Variants in ST6GALNAC5 observed in about 807,000 individuals in gnomAD.
The protein encoded by ST6GALNAC5 is alpha-N-acetylgalactosaminide alpha-2,6-sialyltransferase 5.
ST6GALNAC5 carries 27 observed loss-of-function variants against 33.6 expected under a neutral mutation model. The observed-to-expected ratio is 0.80, with a 90% CI of 0.59 to 1.11. The LOEUF (loss-of-function observed/expected upper bound fraction) is 1.11. Among genes scored for constraint, ST6GALNAC5 ranks in the 50% least tolerant of loss-of-function variants. ST6GALNAC5 has a pLI of 0.00. For synonymous variants in ST6GALNAC5, 194 were observed against 171.2 expected (o/e 1.13, Z -1.04); for missense variants, 428 against 454.0 (o/e 0.94, Z 0.52).
At chr1:77,007,606 C>T (rs1304452117) in intron 2 of ST6GALNAC5, among the ~76,000 whole-genome samples, 2 of 152,214 alleles carry the variant, frequency 1.3e-5, no homozygotes, top group African/African-American at 4.8e-5. Flanking sequence ...CCCTATTCTT[C>T]ACCACTATGT....
At position 77,044,620 on chromosome 1, in the gene ST6GALNAC5, A is replaced by G. The variant is rs1189460641; in HGVS notation, c.671+7A>G. On this transcript the variant is annotated splice_region_variant and intron_variant, in intron 3 of 4. Transcript: ENST00000477717. ...AGGAGACTGGCAAAGACAGGTACAAAGGCACAGGGAAGAAGATGCAGGGGA... is the reference window on the plus strand; with the variant it reads ...AGGAGACTGGCAAAGACAGGTACAAGGGCACAGGGAAGAAGATGCAGGGGA... 10 of 1,532,778 alleles carry G rather than the reference A, an allele frequency of 6.5e-6. No individual in the cohort carries two copies. The highest frequency in any genetic ancestry group is 8.8e-6 in the Non-Finnish European group (10 of 1,137,260). The allele number at this position is 1,532,778 out of a possible 1,614,324, so 94.9% of individuals were successfully genotyped here.
At chr1:76,979,849 T>A (rs1428322854) in intron 2 of ST6GALNAC5, among the ~76,000 whole-genome samples, 1 of 152,056 alleles carries the variant, frequency 6.6e-6, no homozygotes, top group African/African-American at 2.4e-5. Flanking sequence ...ATCAGAGGCA[T>A]GATAATCACT....
chr1:76,973,896 T>C (rs1648871735), intron 2 of ST6GALNAC5, among the ~76,000 whole-genome samples: 1 of 104,764 alleles, frequency 9.5e-6, no homozygotes, highest in South Asian at 2.7e-4. Flanking sequence ...TTCCAAGTTT[T>C]ATGTTCTGTT....
chr1:76,914,348 T>A (rs1340761720), intron 2 of ST6GALNAC5, among the ~76,000 whole-genome samples: 1 of 152,102 alleles, frequency 6.6e-6, no homozygotes, highest in Non-Finnish European at 1.5e-5. Flanking sequence ...TACTTTAAAG[T>A]TCATGTGGAA....
At chr1:77,025,517 T>C (rs1162314110) in intron 2 of ST6GALNAC5, among the ~76,000 whole-genome samples, 1 of 125,328 alleles carries the variant, frequency 8.0e-6, no homozygotes, top group African/African-American at 3.6e-5. Context: ...AAGACTGTCT[T>C]GAAAAAAAAA....
chr1:77,038,663 G>C (rs1357485042), intron 2 of ST6GALNAC5, among the ~76,000 whole-genome samples: 3 of 152,216 alleles, frequency 2.0e-5, no homozygotes, highest in Non-Finnish European at 4.4e-5. Flanking sequence ...TCTTAAGGAA[G>C]GCTCCAGAGC....
intron 2 of ST6GALNAC5, among the ~76,000 whole-genome samples, chr1:76,895,987 T>TAA (rs898545376): frequency 6.6e-6 from 1 of 152,206 alleles, no homozygotes; most frequent in Non-Finnish European, 1.5e-5. Flanking sequence ...TGGTGTGGTG[T>TAA]GTTTTTAAAA....
intron 2 of ST6GALNAC5, among the ~76,000 whole-genome samples, chr1:76,936,290 C>T (rs980096008): frequency 1.3e-5 from 2 of 151,958 alleles, no homozygotes; most frequent in Non-Finnish European, 1.5e-5. Flanking sequence ...AGGTATTATG[C>T]CTTTTTCATG....
chr1:76,995,355 G>T (rs1442604760), intron 2 of ST6GALNAC5: 1 of 152,346 alleles, frequency 6.6e-6, no homozygotes, highest in East Asian at 1.9e-4. Context: ...CTATGATCAT[G>T]ACACTGCACT....
rs1650364980 is a variant in ST6GALNAC5 at position 77,005,408 on chromosome 1, G to T, written c.262-38796G>T. 7.2e-5 allele frequency among the ~76,000 whole-genome samples: 11 copies of T among 152,302 alleles called. No homozygotes were observed. In the South Asian group the frequency reaches 2.3e-3, roughly 32 times the overall value. On this transcript the variant is annotated intron_variant, in intron 2 of 4. Coordinates refer to ENST00000477717, the MANE Select transcript of ST6GALNAC5 (RefSeq NM_030965.3). ...ACTGTCTGGCACTCCCTAGTGAGAT[G>T]AACCCGGTACCTCAGATGGAAATGC...
At chr1:76,947,678 C>A (rs916848154) in intron 2 of ST6GALNAC5, among the ~76,000 whole-genome samples, 1 of 152,066 alleles carries the variant, frequency 6.6e-6, no homozygotes, top group Non-Finnish European at 1.5e-5. Context: ...CCCAGGAGTT[C>A]AAGGCTGCAG....
intron 3 of ST6GALNAC5, among the ~76,000 whole-genome samples, chr1:77,045,768 A>G (rs1189458178): frequency 6.6e-6 from 1 of 152,124 alleles, no homozygotes; most frequent in African/African-American, 2.4e-5. Flanking sequence ...AGTCAGGAGA[A>G]CTAGGGGGTG....
chr1:76,887,980 G>A (rs916886668), intron 2 of ST6GALNAC5, among the ~76,000 whole-genome samples: 1 of 151,834 alleles, frequency 6.6e-6, no homozygotes, highest in Non-Finnish European at 1.5e-5. Context: ...TCTTAGCTGC[G>A]GTAAAACCTG....
chr1:76,876,602 C>T (rs1293235125), intron 2 of ST6GALNAC5, among the ~76,000 whole-genome samples: 2 of 152,184 alleles, frequency 1.3e-5, no homozygotes, highest in African/African-American at 4.8e-5. Context: ...CCTGACCATC[C>T]AGCCAAACCA....
intron 2 of ST6GALNAC5, among the ~76,000 whole-genome samples, chr1:76,899,444 C>T (rs913980533): frequency 2.6e-5 from 4 of 151,704 alleles, no homozygotes; most frequent in African/African-American, 7.3e-5. Flanking sequence ...GATAAGAGGT[C>T]GGGGCACAGA....
At chr1:76,915,660 A>G (rs1291173217) in intron 2 of ST6GALNAC5, among the ~76,000 whole-genome samples, 2 of 140,670 alleles carry the variant, frequency 1.4e-5, no homozygotes, top group Admixed American at 7.4e-5. Context: ...ACATGGACAC[A>G]GGAAGGGGAA....
intron 2 of ST6GALNAC5, among the ~76,000 whole-genome samples, chr1:76,958,857 C>T (rs541136940): frequency 7.9e-5 from 12 of 152,296 alleles, no homozygotes; most frequent in African/African-American, 2.9e-4. Flanking sequence ...GACCTGCACT[C>T]TCAAGCCTCC....
intron 2 of ST6GALNAC5, among the ~76,000 whole-genome samples, chr1:76,975,720 A>G (rs1317256377): frequency 6.6e-6 from 1 of 152,190 alleles, no homozygotes; most frequent in Non-Finnish European, 1.5e-5. Context: ...ACATGAGAAA[A>G]TTTAAATGAT....
At chr1:77,025,551 A>G (rs893358197) in intron 2 of ST6GALNAC5, among the ~76,000 whole-genome samples, 1 of 152,088 alleles carries the variant, frequency 6.6e-6, no homozygotes, top group African/African-American at 2.4e-5. Flanking sequence ...GAGTAGATCA[A>G]TTTTGATCAG....
Sources: gnomAD v4.1 joint callset for allele counts (sites outside exome capture counted in the v4.1 genomes callset) on GRCh38, gnomAD v4.1.1 for gene constraint, MANE v1.5 for transcripts, NCBI Gene and HGNC (gene_info 2026-07-23, HGNC 2026-07-21) for gene names.